The following SRRM3 variants were observed in gnomAD, a reference collection of about 807,000 sequenced individuals.
The protein encoded by SRRM3 is serine/arginine repetitive matrix protein 3.
A neutral mutation model predicts 66.2 loss-of-function variants in SRRM3; 27 were observed. The ratio of observed to expected loss-of-function variants is 0.41; its 90% CI spans 0.30 to 0.56. SRRM3 has a LOEUF of 0.56. Among genes scored for constraint, SRRM3 ranks in the 20% least tolerant of loss-of-function variants. The pLI is 0.32. For missense variants in SRRM3, 918 were observed against 991.9 expected, an observed-to-expected ratio of 0.93 and a Z score of 1.00; for synonymous variants, 391 against 414.9, an observed-to-expected ratio of 0.94 and a Z score of 0.70.
intron 3 of SRRM3, among the ~76,000 whole-genome samples, chr7:76,251,406 G>T (rs1258023258): frequency 6.7e-6 from 1 of 148,870 alleles, no homozygotes; most frequent in Non-Finnish European, 1.5e-5. Flanking sequence ...ACGGAGTCTC[G>T]CTCTGTCACC....
In SRRM3 at chr7:76,201,998, G is replaced by A. The variant is rs1214292685; in HGVS notation, c.-109G>A. 1.3e-5 allele frequency: 2 copies of A among 152,518 alleles called. No individual in the cohort carries two copies. The highest frequency in any genetic ancestry group is 2.4e-5 in the African/African-American group (1 of 41,472). 9.4% of individuals were successfully genotyped at this position (152,518 alleles called of 1,614,324 possible). A position where few individuals can be genotyped will look rare whatever the true frequency, so the allele number is the denominator to read the frequency against. The stretch of plus-strand genomic sequence containing the variant: ...CTGCCCAACTCAGCCCAGACTAGGC[G>A]GCAGCCCGGACCGGCGGGACCCGAG... On this transcript the variant is annotated 5_prime_UTR_variant, in exon 1 of 15. Transcript: ENST00000611745.
At chr7:76,232,826 A>G (rs1554604353) in intron 1 of SRRM3, among the ~76,000 whole-genome samples, 2 of 152,070 alleles carry the variant, frequency 1.3e-5, no homozygotes, top group African/African-American at 4.8e-5. Context: ...GCTGCTAACC[A>G]GGGCATGACA....
intron 1 of SRRM3, among the ~76,000 whole-genome samples, chr7:76,203,020 T>A (rs1157962025): frequency 1.3e-5 from 2 of 152,212 alleles, no homozygotes; most frequent in Non-Finnish European, 2.9e-5. Flanking sequence ...GCTGGTCTTT[T>A]GTCCCATGGC....
chr7:76,278,339 T>C (rs568081846), intron 11 of SRRM3, among the ~76,000 whole-genome samples: 3 of 152,044 alleles, frequency 2.0e-5, no homozygotes, highest in East Asian at 3.9e-4. Context: ...ATATAAAAAT[T>C]AGCCAGGCGT....
At chr7:76,257,555 G>A (rs531224367) in intron 3 of SRRM3, among the ~76,000 whole-genome samples, 11 of 151,980 alleles carry the variant, frequency 7.2e-5, no homozygotes, top group African/African-American at 2.7e-4. Context: ...CCTGGGTTGA[G>A]GCCAGGAGGT....
chr7:76,232,074 A>G (rs1338763150), intron 1 of SRRM3, among the ~76,000 whole-genome samples: 1 of 152,148 alleles, frequency 6.6e-6, no homozygotes, highest in Non-Finnish European at 1.5e-5. Context: ...GGACCATGCC[A>G]TGTATTCCTC....
intron 8 of SRRM3, among the ~76,000 whole-genome samples, chr7:76,264,161 CTTTTTTTTT>C (rs781826102): frequency 1.6e-5 from 2 of 126,364 alleles, no homozygotes; most frequent in South Asian, 4.9e-4. Context: ...CAACCCCTGC[CTTTTTTTTT>C]TTTTTTTTTT....
intron 1 of SRRM3, among the ~76,000 whole-genome samples, chr7:76,225,590 G>A (rs1800843740): frequency 6.6e-6 from 1 of 151,670 alleles, no homozygotes; most frequent in African/African-American, 2.4e-5. Flanking sequence ...CGCTGCCAGA[G>A]ACAAGGGGAG....
chr7:76,245,779 T>G (rs1801426766), intron 2 of SRRM3, among the ~76,000 whole-genome samples: 1 of 152,158 alleles, frequency 6.6e-6, no homozygotes, highest in Non-Finnish European at 1.5e-5. Context: ...CACCACAATC[T>G]CCACCTCCCG....
chr7:76,203,909 G>A (rs557627637), intron 1 of SRRM3, among the ~76,000 whole-genome samples: 7 of 152,178 alleles, frequency 4.6e-5, no homozygotes, highest in Admixed American at 1.3e-4. Context: ...AGGGCATACA[G>A]TGCAGTAAGG....
At chr7:76,260,596 C>G (rs889923971) in intron 5 of SRRM3, among the ~76,000 whole-genome samples, 1 of 151,452 alleles carries the variant, frequency 6.6e-6, no homozygotes, top group Non-Finnish European at 1.5e-5. Context: ...TCACTGAGCC[C>G]TTCTCTAGCA....
At position 76,235,085 on chromosome 7, in the gene SRRM3, A is replaced by C; in HGVS notation, c.19A>C (p.Asn7His). The C allele has an allele frequency of 1.3e-6, 2 of 1,582,394 alleles. No homozygotes were observed. Among genetic ancestry groups the C allele is most frequent in the Non-Finnish European group, 1.7e-6 (2 of 1,169,128 alleles). The change falls in exon 2 of 15, where the codon AAC (asparagine) becomes CAC (histidine). Residue 7 changes from asparagine (N) to histidine (H), a missense_variant. Transcript: ENST00000611745. MSSTVN[N>H]GAASMQSTPD... The stretch of plus-strand genomic sequence containing the variant: ...AGCCACGATGTCCTCCACCGTGAAC[A>C]ACGGGGCGGCCAGCATGCAGTCCAC...
chr7:76,266,208 A>T, intron 10 of SRRM3, among the ~76,000 whole-genome samples: 1 of 86,866 alleles, frequency 1.2e-5, no homozygotes, highest in African/African-American at 7.9e-5. Flanking sequence ...TATATATTTA[A>T]TATATATAAA....
At chr7:76,267,646 A>T in intron 11 of SRRM3, 1 of 429,274 alleles carries the variant, frequency 2.3e-6, no homozygotes, top group Non-Finnish European at 3.9e-6. Context: ...CCCTGGTGTC[A>T]GGGTGAGGGG....
At chr7:76,280,724 G>A (rs1802474419) in intron 11 of SRRM3, among the ~76,000 whole-genome samples, 2 of 151,832 alleles carry the variant, frequency 1.3e-5, no homozygotes, top group African/African-American at 4.8e-5. Context: ...GGCAGCCCCC[G>A]GCTCGGGCCC....
intron 1 of SRRM3, among the ~76,000 whole-genome samples, chr7:76,215,571 T>G (rs1800542991): frequency 6.6e-6 from 1 of 150,944 alleles, no homozygotes. Flanking sequence ...TGGCTAATTT[T>G]TTTATTATTA....
In SRRM3 at chr7:76,282,990, G is replaced by T. The variant is rs782480993; in HGVS notation, c.1622G>T (p.Arg541Met). The change falls in exon 14 of 15, where the codon AGG becomes ATG. Residue 541 changes from arginine to methionine, a missense_variant. Transcript: ENST00000611745. ...SRDKDGEGRARHSEAEATRAR... is the reference protein window; with the variant it reads ...SRDKDGEGRAMHSEAEATRAR... ...GACAAGGACGGCGAGGGCCGCGCAAGGCACTCTGAGGCCGAGGCCACCCGC... is the reference window on the plus strand; with the variant it reads ...GACAAGGACGGCGAGGGCCGCGCAATGCACTCTGAGGCCGAGGCCACCCGC... The T allele has an allele frequency of 6.9e-7, 1 of 1,441,778 alleles. No homozygotes were observed. Among genetic ancestry groups the T allele is most frequent in the Admixed American group, 2.8e-5 (1 of 36,224 alleles). 89.3% of individuals were successfully genotyped at this position (1,441,778 alleles called of 1,614,324 possible). A position where few individuals can be genotyped will look rare whatever the true frequency, so the allele number is the denominator to read the frequency against.
rs782709890 is a variant in SRRM3, at chr7:76,267,378, C to T, written c.951C>T (p.Ser317=). The T allele has an allele frequency of 1.9e-5, 27 of 1,444,294 alleles. No homozygotes were observed. The highest frequency in any genetic ancestry group is 2.3e-5 in the Non-Finnish European group (25 of 1,104,000). The allele number at this position is 1,444,294 out of a possible 1,614,324, so 89.5% of individuals were successfully genotyped here. A position where few individuals can be genotyped will look rare whatever the true frequency, so the allele number is the denominator to read the frequency against. ...GWGSPQRNGG[S]GQRSGAHGGR... is the part of the protein sequence containing the mutation. Reference sequence around the variant, plus strand: ...GGTCGCCCCAGCGGAACGGCGGCAGCGGGCAGCGGAGCGGAGCGCACGGGG... The same window carrying T: ...GGTCGCCCCAGCGGAACGGCGGCAGTGGGCAGCGGAGCGGAGCGCACGGGG... The change falls in exon 11 of 15, where the codon AGC becomes AGT. Residue 317 remains serine, a synonymous_variant. Coordinates refer to ENST00000611745, the MANE Select transcript of SRRM3 (RefSeq NM_001110199.3).
In SRRM3 at chr7:76,207,412, C is replaced by A. The variant is rs574629949; in HGVS notation, c.-40+5345C>A. On this transcript the variant is annotated intron_variant, in intron 1 of 14. Transcript: ENST00000611745. ...AGAAAATAGAAACTATCAGTAGTTC[C>A]ACCACCCAAAGACAACCACTTTGAA... 2.6e-5 allele frequency among the ~76,000 whole-genome samples: 4 copies of A among 152,292 alleles called. No individual in the cohort carries two copies. In the South Asian group the frequency reaches 8.3e-4, roughly 32 times the overall value.
Sources: allele counts gnomAD v4.1 joint callset (sites outside exome capture counted in the v4.1 genomes callset), GRCh38; gene constraint gnomAD v4.1.1; transcripts MANE v1.5; gene names NCBI Gene and HGNC (gene_info 2026-07-23, HGNC 2026-07-21).